DOCK4: variants seen among roughly 807,000 people sequenced by gnomAD.
DOCK4 encodes the protein dedicator of cytokinesis 4, also known as dedicator of cytokinesis protein 4.
A neutral mutation model predicts 268.1 loss-of-function variants in DOCK4; 97 were observed. The observed-to-expected ratio is 0.36, with a 90% confidence interval of 0.31 to 0.43. DOCK4 has a LOEUF of 0.43. DOCK4 is among the 20% of genes least tolerant of loss of function. The pLI is 1.00. For missense variants in DOCK4, 2,145 were observed against 2,455.7 expected, an observed-to-expected ratio of 0.87 and a Z score of 2.67; for synonymous variants, 954 against 887.2, an observed-to-expected ratio of 1.08 and a Z score of -1.34.
intron 17 of DOCK4, among the ~76,000 whole-genome samples, chr7:111,876,557 TA>T (rs1806895909): frequency 6.6e-6 from 1 of 152,210 alleles, no homozygotes; most frequent in Admixed American, 6.5e-5. Context: ...GATGTTTTCA[TA>T]GCAATTTGCC....
intron 23 of DOCK4, among the ~76,000 whole-genome samples, chr7:111,849,864 C>T (rs551759023): frequency 2.0e-5 from 3 of 152,202 alleles, no homozygotes; most frequent in South Asian, 2.1e-4. Flanking sequence ...CTGATATTTT[C>T]GATTCCTGAT....
At chr7:111,927,145 T>C (rs1259251285) in intron 12 of DOCK4, among the ~76,000 whole-genome samples, 7 of 152,166 alleles carry the variant, frequency 4.6e-5, no homozygotes, top group African/African-American at 1.7e-4. Flanking sequence ...CTTCCTGAGA[T>C]CTTCGAAGTG....
At chr7:112,128,146 G>C (rs907671043) in intron 1 of DOCK4, among the ~76,000 whole-genome samples, 1 of 152,334 alleles carries the variant, frequency 6.6e-6, no homozygotes, top group South Asian at 2.1e-4. Context: ...TCTGGCAAGG[G>C]TAGATTCCAG....
chr7:112,089,047 T>C (rs955234817), intron 1 of DOCK4, among the ~76,000 whole-genome samples: 2 of 152,192 alleles, frequency 1.3e-5, no homozygotes, highest in South Asian at 4.1e-4. Flanking sequence ...TAATTAATAA[T>C]TGTTATGAAA....
At chr7:111,739,615 C>A in intron 47 of DOCK4, 138 bp from the exon 48 acceptor site, 1 of 694,768 alleles carries the variant, frequency 1.4e-6, no homozygotes, top group Non-Finnish European at 2.4e-6. Flanking sequence ...ATCTTAATAA[C>A]TTAGATTGAC....
rs147973448 is a variant in DOCK4, at chr7:111,847,224, A to G, written c.2474-98T>C. The G allele has an allele frequency of 3.6e-3, 5,249 of 1,446,126 alleles. 12 individuals are homozygous for G. Among genetic ancestry groups the G allele is most frequent in the Middle Eastern group, 5.3e-3 (29 of 5,496 alleles). 89.6% of individuals were successfully genotyped at this position (1,446,126 alleles called of 1,614,324 possible). ...CTTTTAATTCAATTTTGGTTGCTAAATTATTAACACATGTAGTTACAAAGG... is the reference window on the plus strand; with the variant it reads ...CTTTTAATTCAATTTTGGTTGCTAAGTTATTAACACATGTAGTTACAAAGG... On this transcript the variant is annotated intron_variant, in intron 23 of 52. Coordinates refer to ENST00000428084, the MANE Select transcript of DOCK4 (RefSeq NM_001363540.2).
chr7:111,850,259 G>C (rs957189655), intron 23 of DOCK4, among the ~76,000 whole-genome samples: 1 of 151,964 alleles, frequency 6.6e-6, no homozygotes, highest in African/African-American at 2.4e-5. Context: ...TGTCCTCAGC[G>C]AGAATCCTGT....
intron 13 of DOCK4, among the ~76,000 whole-genome samples, chr7:111,902,430 A>G (rs1791220991): frequency 6.6e-6 from 1 of 152,244 alleles, no homozygotes; most frequent in South Asian, 2.1e-4. Flanking sequence ...CATTCTATGT[A>G]CATATATACT....
At chr7:111,845,100 G>C (rs1442068131) in intron 24 of DOCK4, among the ~76,000 whole-genome samples, 3 of 152,166 alleles carry the variant, frequency 2.0e-5, no homozygotes, top group Non-Finnish European at 4.4e-5. Context: ...ATGGATACCT[G>C]AGATACAAGT....
At chr7:111,803,472 T>A (rs565202359) in intron 30 of DOCK4, among the ~76,000 whole-genome samples, 1 of 152,322 alleles carries the variant, frequency 6.6e-6, no homozygotes, top group African/African-American at 2.4e-5. Flanking sequence ...ACTGTTGGAG[T>A]TTTATATTTA....
At chr7:111,799,824 T>A (rs1479793415) in intron 30 of DOCK4, among the ~76,000 whole-genome samples, 1 of 152,196 alleles carries the variant, frequency 6.6e-6, no homozygotes, top group Admixed American at 6.5e-5. Context: ...ACAAAGAAGA[T>A]TACATCTTGG....
At chr7:111,977,357 G>C in intron 7 of DOCK4, 74 bp from the exon 8 acceptor site, 4 of 1,485,358 alleles carry the variant, frequency 2.7e-6, no homozygotes, top group Non-Finnish European at 3.6e-6. Context: ...AAACTAGTTA[G>C]CTATGAGGTG....
At chr7:112,201,052 C>T (rs896845248) in intron 1 of DOCK4, among the ~76,000 whole-genome samples, 1 of 152,174 alleles carries the variant, frequency 6.6e-6, no homozygotes, top group Non-Finnish European at 1.5e-5. Flanking sequence ...GTAGATACAT[C>T]ATAGGACCAC....
At chr7:111,858,772 T>A (rs1202237967) in intron 23 of DOCK4, among the ~76,000 whole-genome samples, 1 of 152,014 alleles carries the variant, frequency 6.6e-6, no homozygotes, top group African/African-American at 2.4e-5. Context: ...TCCTTCCGTC[T>A]TTCCTCCTTC....
intron 11 of DOCK4, among the ~76,000 whole-genome samples, chr7:111,939,695 G>C (rs562107301): frequency 6.6e-6 from 1 of 152,196 alleles, no homozygotes; most frequent in Non-Finnish European, 1.5e-5. Context: ...TACTTGGTTA[G>C]GGCAGGCCCA....
At chr7:111,737,079 CTT>C in intron 49 of DOCK4, 90 bp from the exon 50 acceptor site, 1 of 1,172,090 alleles carries the variant, frequency 8.5e-7, no homozygotes, top group Non-Finnish European at 1.2e-6. Flanking sequence ...CTCAGTAAAA[CTT>C]TTTGTTCAAA....
At chr7:111,746,612 G>A (rs184067055) in intron 43 of DOCK4, among the ~76,000 whole-genome samples, 195 bp from the exon 44 acceptor site, 1 of 152,158 alleles carries the variant, frequency 6.6e-6, no homozygotes, top group Non-Finnish European at 1.5e-5. Flanking sequence ...AGGAAGATCA[G>A]TGATTGTACA....
chr7:112,178,852 A>AG (rs1818747381), intron 1 of DOCK4, among the ~76,000 whole-genome samples: 1 of 152,192 alleles, frequency 6.6e-6, no homozygotes, highest in Non-Finnish European at 1.5e-5. Context: ...AAATGTGCAC[A>AG]TGATGGAGGC....
chr7:112,160,863 G>A (rs1462021427), intron 1 of DOCK4, among the ~76,000 whole-genome samples: 1 of 152,172 alleles, frequency 6.6e-6, no homozygotes, highest in Non-Finnish European at 1.5e-5. Context: ...GAGAATGAAG[G>A]CTGAGCAAAT....
Sources: allele counts gnomAD v4.1 joint callset (sites outside exome capture counted in the v4.1 genomes callset), GRCh38; gene constraint gnomAD v4.1.1; transcripts MANE v1.5; gene names NCBI Gene and HGNC (gene_info 2026-07-23, HGNC 2026-07-21).